The following HPSE2 variants were observed in gnomAD, a reference collection of about 807,000 sequenced individuals.
HPSE2 encodes the protein heparanase 2 (inactive), also known as inactive heparanase-2.
Under a neutral mutation model 60.5 loss-of-function variants are expected in HPSE2, and 38 were observed. The observed-to-expected ratio is 0.63, with a 90% confidence interval of 0.48 to 0.82. The LOEUF is 0.82. Ranked by LOEUF, HPSE2 falls within the 40% of genes least tolerant of loss-of-function variation. The pLI is 0.00. For synonymous variants in HPSE2, 295 were observed against 293.2 expected, an observed-to-expected ratio of 1.01 and a Z score of -0.06; for missense variants, 713 against 740.4, an observed-to-expected ratio of 0.96 and a Z score of 0.43.
intron 2 of HPSE2, among the ~76,000 whole-genome samples, chr10:99,202,145 T>C (rs929617859): frequency 3.3e-5 from 5 of 152,216 alleles, no homozygotes; most frequent in African/African-American, 4.8e-5. Context: ...AATATAGATA[T>C]AGACAGATAT....
At chr10:98,482,218 T>C (rs571129903) in intron 11 of HPSE2, among the ~76,000 whole-genome samples, 122 of 152,012 alleles carry the variant, frequency 8.0e-4, no homozygotes, top group African/African-American at 2.6e-3. Flanking sequence ...AACAAGGGAG[T>C]CAGCATTACA....
rs983592488 is a variant in HPSE2 at position 98,746,637 on chromosome 10, C to CT, written c.611-2582dup. Among the ~76,000 whole-genome samples, 35 of 151,744 alleles carry CT rather than the reference C, an allele frequency of 2.3e-4. No homozygotes were observed. The South Asian group carries it at 2.9e-3, about 13-fold the overall frequency. On this transcript the variant is annotated intron_variant, in intron 3 of 11. Coordinates refer to ENST00000370552, the MANE Select transcript of HPSE2 (RefSeq NM_021828.5). ...ATTTCAAGAAAGACAGATAACTACT[C>CT]TTTTTTTTCTTTTCAATCATAGTTG... is the stretch of plus-strand genomic sequence containing the variant.
intron 3 of HPSE2, among the ~76,000 whole-genome samples, chr10:98,813,015 G>A (rs1047014219): frequency 3.3e-5 from 5 of 152,014 alleles, no homozygotes; most frequent in African/African-American, 1.2e-4. Flanking sequence ...TCTATGGGCT[G>A]GATAAGGCTG....
chr10:99,245,006 T>C, the HPSE2 span, among the ~76,000 whole-genome samples: 1 of 152,140 alleles, frequency 6.6e-6, no homozygotes, highest in Non-Finnish European at 1.5e-5. Context: ...GTCCTTTTCA[T>C]TATCTAGAGA....
At chr10:99,091,155 CT>C (rs2135597476) in intron 3 of HPSE2, among the ~76,000 whole-genome samples, 1 of 152,232 alleles carries the variant, frequency 6.6e-6, no homozygotes, top group Non-Finnish European at 1.5e-5. Flanking sequence ...CAAAAATATT[CT>C]TTTAAACTAT....
intron 2 of HPSE2, among the ~76,000 whole-genome samples, chr10:99,154,271 G>A (rs1175779594): frequency 3.7e-5 from 5 of 134,004 alleles, no homozygotes; most frequent in African/African-American, 8.0e-5. Flanking sequence ...GATACTCCTC[G>A]AGAAGAGCAA....
In HPSE2 at chr10:98,470,102, G is replaced by GGT. The variant is rs55762346; in HGVS notation, c.1614-10365_1614-10364dup. Among the ~76,000 whole-genome samples, 859 of 150,332 alleles carry GGT rather than the reference G, an allele frequency of 5.7e-3. 11 individuals carry two copies. In the East Asian group the frequency reaches 0.068, roughly 12 times the overall value. The stretch of plus-strand genomic sequence containing the variant: ...TGGAGTGAAGACAGGTAGGAAGGCA[G>GGT]GTGTGTGTGTGTGTGTGTGTGTGTA... On this transcript the variant is annotated intron_variant, in intron 11 of 11. Transcript: ENST00000370552.
intron 5 of HPSE2, among the ~76,000 whole-genome samples, chr10:98,709,002 C>A (rs533305234): frequency 6.6e-6 from 1 of 152,296 alleles, no homozygotes; most frequent in African/African-American, 2.4e-5. Flanking sequence ...CTTTCTATAT[C>A]TTATATGCAG....
intron 7 of HPSE2, among the ~76,000 whole-genome samples, chr10:98,633,612 CTTATG>C (rs896655305): frequency 5.9e-5 from 9 of 152,044 alleles, no homozygotes; most frequent in African/African-American, 1.2e-4. Context: ...ATCAGTTAGG[CTTATG>C]TTATGTTATC....
At chr10:99,063,676 AAATT>A (rs1233575760) in intron 3 of HPSE2, among the ~76,000 whole-genome samples, 1 of 152,240 alleles carries the variant, frequency 6.6e-6, no homozygotes. Flanking sequence ...TAAAATAACT[AAATT>A]AATGGTAAAT....
chr10:98,489,788 G>A (rs1214177213), intron 10 of HPSE2, among the ~76,000 whole-genome samples: 1 of 152,190 alleles, frequency 6.6e-6, no homozygotes, highest in Admixed American at 6.5e-5. Context: ...AAAATGTGTT[G>A]GATGAATAAG....
At chr10:99,258,830 CA>C in the HPSE2 span, among the ~76,000 whole-genome samples, 1 of 152,138 alleles carries the variant, frequency 6.6e-6, no homozygotes, top group African/African-American at 2.4e-5. Flanking sequence ...GTAAAACAAA[CA>C]AAACTTAGCA....
intron 6 of HPSE2, among the ~76,000 whole-genome samples, chr10:98,680,925 T>C (rs1192261858): frequency 1.3e-5 from 2 of 151,848 alleles, no homozygotes; most frequent in Non-Finnish European, 2.9e-5. Context: ...CCAGCTATTT[T>C]TTGTATTTTT....
At chr10:98,945,914 A>T (rs576255662) in intron 3 of HPSE2, among the ~76,000 whole-genome samples, 2 of 152,272 alleles carry the variant, frequency 1.3e-5, no homozygotes, top group South Asian at 4.1e-4. Flanking sequence ...AGCACAGATT[A>T]TATAGTTGAT....
At chr10:99,301,964 C>A in the HPSE2 span, among the ~76,000 whole-genome samples, 2 of 151,802 alleles carry the variant, frequency 1.3e-5, no homozygotes, top group African/African-American at 2.4e-5. Flanking sequence ...AAACAGATCC[C>A]CAACTCACTC....
At chr10:98,534,881 A>G (rs1192302447) in intron 9 of HPSE2, among the ~76,000 whole-genome samples, 2 of 152,228 alleles carry the variant, frequency 1.3e-5, no homozygotes, top group Non-Finnish European at 2.9e-5. Context: ...TAAAAGAACT[A>G]GAGCCTTCTG....
chr10:99,255,037 T>C, the HPSE2 span, among the ~76,000 whole-genome samples: 2 of 152,154 alleles, frequency 1.3e-5, no homozygotes, highest in Non-Finnish European at 2.9e-5. Context: ...CACTGAATTT[T>C]ATATATTAAA....
At chr10:98,501,810 C>A (rs960185401) in intron 9 of HPSE2, among the ~76,000 whole-genome samples, 1 of 152,152 alleles carries the variant, frequency 6.6e-6, no homozygotes, top group African/African-American at 2.4e-5. Context: ...AAGACTCCTC[C>A]AAGAAAGCTC....
At chr10:98,830,574 A>G (rs1338154376) in intron 3 of HPSE2, among the ~76,000 whole-genome samples, 1 of 152,220 alleles carries the variant, frequency 6.6e-6, no homozygotes, top group African/African-American at 2.4e-5. Flanking sequence ...TATGCTTGAT[A>G]GCTACTAAGT....
Sources: allele counts gnomAD v4.1 joint callset (sites outside exome capture counted in the v4.1 genomes callset), GRCh38; gene constraint gnomAD v4.1.1; transcripts MANE v1.5; gene names NCBI Gene and HGNC (gene_info 2026-07-23, HGNC 2026-07-21).